Variants in FAM184B observed in about 807,000 individuals in gnomAD.
The protein encoded by FAM184B is family with sequence similarity 184 member B.
A neutral mutation model predicts 135.9 loss-of-function variants in FAM184B; 111 were observed. The ratio of observed to expected loss-of-function variants is 0.82; its 90% CI spans 0.70 to 0.96. FAM184B has a LOEUF of 0.96. Ranked by LOEUF, FAM184B falls within the 40% of genes least tolerant of loss-of-function variation. FAM184B has a pLI of 0.00. For missense variants in FAM184B, 1,375 were observed against 1,323.9 expected, an observed-to-expected ratio of 1.04 and a Z score of -0.60; for synonymous variants, 552 against 524.8, an observed-to-expected ratio of 1.05 and a Z score of -0.71.
intron 7 of FAM184B, among the ~76,000 whole-genome samples, chr4:17,672,619 G>C (rs1465598445): frequency 6.6e-6 from 1 of 152,060 alleles, no homozygotes; most frequent in Non-Finnish European, 1.5e-5. Flanking sequence ...TGTTTTTTCT[G>C]TATCTATTGA....
chr4:17,709,115 G>T lies in FAM184B; in HGVS notation c.671C>A (p.Thr224Asn). 6.5e-7 allele frequency: 1 copy of T among 1,549,210 alleles called. No homozygotes were observed. ...GATGGCCTCGTTTTCCCTCTCGTAG[G>T]TGGCCTGCAGCTCCTCGGCCTTGCG... Reference protein sequence around the residue: ...YARKAEELQATYERENEAIRQ... With the variant: ...YARKAEELQANYERENEAIRQ... Residue 224 changes from threonine to asparagine, a missense_variant, in exon 2 of 18, where the codon ACC (threonine) becomes AAC (asparagine). By Grantham distance (65) the Thr-to-Asn change is moderately conservative (BLOSUM62 0). Transcript: ENST00000265018.
At chr4:17,733,077 G>A (rs1336643290) in intron 1 of FAM184B, among the ~76,000 whole-genome samples, 11 of 152,132 alleles carry the variant, frequency 7.2e-5, no homozygotes, top group South Asian at 2.1e-4. Context: ...CAGAACCAAA[G>A]ACAAAAACCA....
At chr4:17,716,859 C>T (rs1381915827) in intron 1 of FAM184B, among the ~76,000 whole-genome samples, 1 of 152,162 alleles carries the variant, frequency 6.6e-6, no homozygotes, top group Non-Finnish European at 1.5e-5. Context: ...GTCTTCCAGG[C>T]TGAAGTGCAG....
intron 1 of FAM184B, among the ~76,000 whole-genome samples, chr4:17,721,104 G>T (rs1281067361): frequency 6.6e-6 from 1 of 151,756 alleles, no homozygotes; most frequent in Non-Finnish European, 1.5e-5. Flanking sequence ...AAAAATCTCG[G>T]CTGGGCGCGG....
intron 1 of FAM184B, among the ~76,000 whole-genome samples, chr4:17,715,249 C>A (rs1177170050): frequency 1.3e-5 from 2 of 151,968 alleles, no homozygotes; most frequent in African/African-American, 4.8e-5. Context: ...CCAAAGTGGG[C>A]AGATTGTTTG....
At chr4:17,759,660 CT>C (rs1484801311) in intron 1 of FAM184B, among the ~76,000 whole-genome samples, 2 of 151,904 alleles carry the variant, frequency 1.3e-5, no homozygotes, top group African/African-American at 2.4e-5. Flanking sequence ...ATCCAGCTAA[CT>C]TTTTTTGTAT....
intron 1 of FAM184B, among the ~76,000 whole-genome samples, chr4:17,721,406 A>AAAAAAAAAAAAACC (rs1560185395): frequency 7.0e-6 from 1 of 143,300 alleles, no homozygotes; most frequent in African/African-American, 2.6e-5. Context: ...AAAAAAAAAA[A>AAAAAAAAAAAAACC]TCTCTTTGCC....
chr4:17,638,232 A>AG (rs1413195480), intron 14 of FAM184B, among the ~76,000 whole-genome samples: 2 of 143,030 alleles, frequency 1.4e-5, no homozygotes, highest in Non-Finnish European at 3.0e-5. Context: ...TCTGTAGCCC[A>AG]GGCTGGAGTG....
chr4:17,634,983 C>T (rs756465598), intron 16 of FAM184B, 26 bp downstream of exon 16: 1 of 1,464,602 alleles, frequency 6.8e-7, no homozygotes. Flanking sequence ...TTGTATAATG[C>T]ATTAAAACCA....
At chr4:17,744,973 C>A (rs538033905) in intron 1 of FAM184B, among the ~76,000 whole-genome samples, 2 of 152,332 alleles carry the variant, frequency 1.3e-5, no homozygotes, top group East Asian at 3.9e-4. Context: ...CACAGAGCCA[C>A]TGGGACCTCT....
chr4:17,633,848 A>T lies in FAM184B; in HGVS notation c.2930T>A (p.Val977Glu). 3 of 1,551,318 alleles carry T rather than the reference A, an allele frequency of 1.9e-6. No individual in the cohort carries two copies. Among genetic ancestry groups the T allele is most frequent in the Non-Finnish European group, 2.6e-6 (3 of 1,146,890 alleles). The change falls in exon 17 of 18, where the codon GTG (valine) becomes GAG (glutamate). Residue 977 changes from valine (V) to glutamate (E), a missense_variant. Transcript: ENST00000265018. Reference sequence around the variant, plus strand: ...CTTTGCATAGGAGGCGAGGTTCGGCACGCTGACCACGCGGCTGGGCACGTC... The same window carrying T: ...CTTTGCATAGGAGGCGAGGTTCGGCTCGCTGACCACGCGGCTGGGCACGTC... ...VEDVPSRVVS[V>E]PNLASYAKNF...
At chr4:17,767,082 C>T (rs536939661) in intron 1 of FAM184B, among the ~76,000 whole-genome samples, 2 of 152,294 alleles carry the variant, frequency 1.3e-5, no homozygotes, top group African/African-American at 2.4e-5. Context: ...GGGCCAGCAG[C>T]GCCAGCCGGC....
chr4:17,645,175 C>A (rs1715433144), intron 12 of FAM184B, among the ~76,000 whole-genome samples: 2 of 152,126 alleles, frequency 1.3e-5, no homozygotes, highest in Non-Finnish European at 2.9e-5. Context: ...TTTATAGATT[C>A]AATGCCATCC....
chr4:17,773,874 G>A (rs538771464), intron 1 of FAM184B, among the ~76,000 whole-genome samples: 2 of 152,318 alleles, frequency 1.3e-5, no homozygotes, highest in South Asian at 4.1e-4. Context: ...ACCGCGCCCA[G>A]CCAAGCCTTC....
intron 7 of FAM184B, among the ~76,000 whole-genome samples, chr4:17,666,143 G>A (rs11934968): frequency 0.3 from 45,583 of 151,936 alleles, 7,473 homozygotes; most frequent in Non-Finnish European, 0.37. Context: ...GCTACCAGAC[G>A]ACCTGTGTTT....
chr4:17,751,868 A>ACACACACACACAC (rs1382691924), intron 1 of FAM184B, among the ~76,000 whole-genome samples: 62 of 57,056 alleles, frequency 1.1e-3, no homozygotes, highest in Admixed American at 3.4e-3. Flanking sequence ...CACACACACA[A>ACACACACACACAC]AAGAACCAGG....
intron 7 of FAM184B, among the ~76,000 whole-genome samples, chr4:17,668,490 A>G (rs547432677): frequency 2.0e-5 from 3 of 152,186 alleles, no homozygotes; most frequent in Non-Finnish European, 2.9e-5. Context: ...TGAAGTTCCC[A>G]TAGCAATTTT....
intron 1 of FAM184B, among the ~76,000 whole-genome samples, chr4:17,724,557 C>T (rs534714976): frequency 6.6e-6 from 1 of 152,290 alleles, no homozygotes; most frequent in East Asian, 1.9e-4. Flanking sequence ...AATGTGTTGT[C>T]TCTTCCACCA....
chr4:17,753,685 G>A (rs547157569), intron 1 of FAM184B, among the ~76,000 whole-genome samples: 1 of 152,294 alleles, frequency 6.6e-6, no homozygotes, highest in East Asian at 1.9e-4. Flanking sequence ...AACACAGAAG[G>A]AGCCAAGAAA....
Sources: allele counts gnomAD v4.1 joint callset (sites outside exome capture counted in the v4.1 genomes callset), GRCh38; gene constraint gnomAD v4.1.1; transcripts MANE v1.5; gene names NCBI Gene and HGNC (gene_info 2026-07-23, HGNC 2026-07-21).